The following RAB2B variants were observed in gnomAD, a reference collection of about 807,000 sequenced individuals.
RAB2B encodes ras-related protein Rab-2B.
In RAB2B, 20 loss-of-function variants were observed where a neutral mutation model predicts 29.8. That is an observed-to-expected ratio of 0.67 (90% CI 0.47 to 0.97). The LOEUF (loss-of-function observed/expected upper bound fraction) is 0.97, where lower values mean the gene tolerates loss of function less well. RAB2B is among the 50% of genes least tolerant of loss of function. RAB2B has a pLI of 0.00. For missense variants in RAB2B, 218 were observed against 272.0 expected, an observed-to-expected ratio of 0.80 and a Z score of 1.40; for synonymous variants, 93 against 91.7, an observed-to-expected ratio of 1.01 and a Z score of -0.08.
At position 21,476,914 on chromosome 14, in the gene RAB2B, A is replaced by G. The variant is rs1002803321; in HGVS notation, c.-42T>C. ...GGTTCCGGGTCCGCCCGACTTCTATAGCCACTTACCTCCGACCTCTCTAGC... is the reference window on the plus strand; with the variant it reads ...GGTTCCGGGTCCGCCCGACTTCTATGGCCACTTACCTCCGACCTCTCTAGC... On this transcript the variant is annotated 5_prime_UTR_variant, in exon 1 of 8. Coordinates refer to ENST00000397762, the MANE Select transcript of RAB2B (RefSeq NM_032846.4). 3 of 1,607,714 alleles carry G rather than the reference A, an allele frequency of 1.9e-6. No homozygotes were observed. Among genetic ancestry groups the G allele is most frequent in the African/African-American group, 1.3e-5 (1 of 74,744 alleles).
intron 1 of RAB2B, 55 bp from the exon 2 acceptor site, chr14:21,476,654 T>C (rs749914442): frequency 6.2e-7 from 1 of 1,613,066 alleles, no homozygotes; most frequent in Non-Finnish European, 8.5e-7. Context: ...CCTTCCAGAG[T>C]ATGGACTTCC....
chr14:21,461,016 T>C lies in RAB2B; in HGVS notation c.*180A>G. 2.0e-6 allele frequency: 1 copy of C among 494,458 alleles called. No individual in the cohort carries two copies. The highest frequency in any genetic ancestry group is 3.7e-5 in the Admixed American group (1 of 26,990). The allele number at this position is 494,458 out of a possible 1,614,324, so 30.6% of individuals were successfully genotyped here. A position where few individuals can be genotyped will look rare whatever the true frequency, so the allele number is the denominator to read the frequency against. ...AACCCTAATCTATAGGGAATGCTCA[T>C]GTCCCTGAAGGAGGACAGGTCAGTA... is the stretch of plus-strand genomic sequence containing the variant. On this transcript the variant is annotated 3_prime_UTR_variant, in exon 8 of 8. Transcript: ENST00000397762.
intron 2 of RAB2B, 57 bp downstream of exon 2, chr14:21,476,471 T>C (rs561988176): frequency 1.6e-5 from 26 of 1,605,228 alleles, no homozygotes; most frequent in South Asian, 9.9e-5. Flanking sequence ...CTTTCCACTT[T>C]AGCAATTTAG....
chr14:21,464,015 A>C (rs1890630237), intron 5 of RAB2B, among the ~76,000 whole-genome samples: 3 of 152,210 alleles, frequency 2.0e-5, no homozygotes, highest in Admixed American at 2.0e-4. Flanking sequence ...ATGGCTTATC[A>C]AGGGTTAGGC....
chr14:21,470,309 C>A (rs867069815), intron 3 of RAB2B, among the ~76,000 whole-genome samples: 1 of 152,052 alleles, frequency 6.6e-6, no homozygotes, highest in African/African-American at 2.4e-5. Context: ...AATAAACGGC[C>A]CCAAATCATA....
intron 5 of RAB2B, among the ~76,000 whole-genome samples, chr14:21,466,058 C>G (rs1040346503): frequency 6.6e-6 from 1 of 152,204 alleles, no homozygotes; most frequent in East Asian, 1.9e-4. Context: ...CAATTTGATA[C>G]AAATAATTTT....
Position 21,461,280 on chromosome 14 carries a change from G to A in RAB2B, c.567C>T (p.Pro189=), listed in dbSNP as rs145245060. The change falls in exon 8 of 8, where the codon CCC becomes CCT. Residue 189 remains proline, a synonymous_variant. Coordinates refer to ENST00000397762, the MANE Select transcript of RAB2B (RefSeq NM_032846.4). ...HNEANGIKIG[P]QQSISTSVGP... ...CCACTGATGTTGAAATTGACTGTTG[G>A]GGCCCAATCTTGATGCCATTTGCCT... The A allele has an allele frequency of 2.5e-5, 40 of 1,613,412 alleles. No homozygotes were observed. The highest frequency in any genetic ancestry group is 1.6e-4 in the Middle Eastern group (1 of 6,082).
Position 21,476,906 on chromosome 14 carries a change from A to T in RAB2B, c.-34T>A. The T allele has an allele frequency of 6.2e-7, 1 of 1,611,674 alleles. No individual in the cohort carries two copies. The highest frequency in any genetic ancestry group is 8.5e-7 in the Non-Finnish European group (1 of 1,179,216). ...GTCCTCTGGGTTCCGGGTCCGCCCG[A>T]CTTCTATAGCCACTTACCTCCGACC... On this transcript the variant is annotated 5_prime_UTR_variant, in exon 1 of 8. Transcript: ENST00000397762.
At chr14:21,471,495 G>A (rs1890813354) in intron 3 of RAB2B, among the ~76,000 whole-genome samples, 1 of 151,862 alleles carries the variant, frequency 6.6e-6, no homozygotes, top group South Asian at 2.1e-4. Flanking sequence ...GCACACATCT[G>A]TAGTCCCAGC....
chr14:21,470,123 T>C (rs958015448), intron 3 of RAB2B, among the ~76,000 whole-genome samples: 7 of 151,914 alleles, frequency 4.6e-5, no homozygotes, highest in African/African-American at 1.5e-4. Flanking sequence ...TGGCTAATTT[T>C]TTTGTATTTT....
chr14:21,471,465 A>G (rs1890812217), intron 3 of RAB2B, among the ~76,000 whole-genome samples: 1 of 151,900 alleles, frequency 6.6e-6, no homozygotes, highest in African/African-American at 2.4e-5. Context: ...AAAAATACAA[A>G]AAATTAGCCA....
chr14:21,476,745 A>G, intron 1 of RAB2B, 82 bp downstream of exon 1: 2 of 1,322,816 alleles, frequency 1.5e-6, no homozygotes, highest in Non-Finnish European at 2.0e-6. Flanking sequence ...CCCAGCCCAC[A>G]AAGTGAGCCC....
At position 21,476,825 on chromosome 14, in the gene RAB2B, A is replaced by G. The variant is rs774971553; in HGVS notation, c.46+2T>C. On this transcript the variant is annotated splice_donor_variant, in intron 1 of 7. Coordinates refer to ENST00000397762, the MANE Select transcript of RAB2B (RefSeq NM_032846.4). LOFTEE classifies it high-confidence loss of function. ...CTTGAAGGCGAACCACCTGAGGGTTACCTGTGTCTCCGATGATGATATACT... is the reference window on the plus strand; with the variant it reads ...CTTGAAGGCGAACCACCTGAGGGTTGCCTGTGTCTCCGATGATGATATACT... The G allele has an allele frequency of 6.2e-7, 1 of 1,611,898 alleles. No individual in the cohort carries two copies. The highest frequency in any genetic ancestry group is 1.1e-5 in the South Asian group (1 of 91,016).
intron 2 of RAB2B, among the ~76,000 whole-genome samples, chr14:21,475,314 C>T (rs891743291): frequency 1.3e-5 from 2 of 152,074 alleles, no homozygotes; most frequent in Admixed American, 6.5e-5. Flanking sequence ...GGAAATATTT[C>T]CTGACACTTT....
chr14:21,461,146 A>G lies in RAB2B; in HGVS notation c.*50T>C, dbSNP rs1890544708. 7.9e-7 allele frequency: 1 copy of G among 1,272,080 alleles called. No homozygotes were observed. The highest frequency in any genetic ancestry group is 2.4e-5 in the East Asian group (1 of 42,010). The allele number at this position is 1,272,080 out of a possible 1,614,324, so 78.8% of individuals were successfully genotyped here. On this transcript the variant is annotated 3_prime_UTR_variant, in exon 8 of 8. Coordinates refer to ENST00000397762, the MANE Select transcript of RAB2B (RefSeq NM_032846.4). ...AAGAAAGACCTCTTTCATTAAGCCT[A>G]TTGATCTGAAGCTATTCCAGGAAGG...
At position 21,470,756 on chromosome 14, in the gene RAB2B, G is replaced by A. The variant is rs559954330; in HGVS notation, c.187-2004C>T. Among the ~76,000 whole-genome samples, 4 of 152,184 alleles carry A rather than the reference G, an allele frequency of 2.6e-5. No individual in the cohort carries two copies. The South Asian group carries it at 8.3e-4, about 32-fold the overall frequency. ...CTCACAGCCTACCAAGAACTAAAAG[G>A]GAAAGTTTGAGGGAGGCCCACATGA... On this transcript the variant is annotated intron_variant, in intron 3 of 7. Coordinates refer to ENST00000397762, the MANE Select transcript of RAB2B (RefSeq NM_032846.4).
intron 3 of RAB2B, among the ~76,000 whole-genome samples, chr14:21,471,864 T>A (rs1020845468): frequency 6.6e-6 from 1 of 151,752 alleles, no homozygotes; most frequent in East Asian, 1.9e-4. Flanking sequence ...TTAGTAGAGA[T>A]GGGGTTTCAC....
At position 21,476,875 on chromosome 14, in the gene RAB2B, T is replaced by C. The variant is rs1372310318; in HGVS notation, c.-3A>G. The C allele has an allele frequency of 1.2e-6, 2 of 1,613,306 alleles. No individual in the cohort carries two copies. The highest frequency in any genetic ancestry group is 1.7e-6 in the Non-Finnish European group (2 of 1,180,034). On this transcript the variant is annotated 5_prime_UTR_variant, in exon 1 of 8. Transcript: ENST00000397762. ...TTGAAGAGATAAGCATAAGTCATGG[T>C]GTCGCGTCCTCTGGGTTCCGGGTCC...
In RAB2B at chr14:21,476,645, C is replaced by A. The variant is rs552151555; in HGVS notation, c.47-46G>T. 4.5e-5 allele frequency: 72 copies of A among 1,613,572 alleles called. 1 individual carries two copies. The East Asian group carries it at 1.2e-3, about 26-fold the overall frequency. ...CCGGAATCACGCAGCCCTGGAACACCTTCCAGAGTATGGACTTCCCGGACC... is the reference window on the plus strand; with the variant it reads ...CCGGAATCACGCAGCCCTGGAACACATTCCAGAGTATGGACTTCCCGGACC... On this transcript the variant is annotated intron_variant, in intron 1 of 7. Coordinates refer to ENST00000397762, the MANE Select transcript of RAB2B (RefSeq NM_032846.4).
Sources: gnomAD v4.1 joint callset for allele counts (sites outside exome capture counted in the v4.1 genomes callset) on GRCh38, gnomAD v4.1.1 for gene constraint, MANE v1.5 for transcripts, NCBI Gene and HGNC (gene_info 2026-07-23, HGNC 2026-07-21) for gene names.